Variants in AKAP13 observed in about 807,000 individuals in gnomAD.
AKAP13 encodes A-kinase anchor protein 13.
In AKAP13, 80 loss-of-function variants were observed where a neutral mutation model predicts 264.5. The ratio of observed to expected loss-of-function variants is 0.30; its 90% CI spans 0.25 to 0.36. The LOEUF (loss-of-function observed/expected upper bound fraction) is 0.36. Among genes scored for constraint, AKAP13 ranks in the 10% least tolerant of loss-of-function variants. The pLI is 1.00. For missense variants in AKAP13, 3,712 were observed against 3,435.2 expected (o/e 1.08, Z -2.01); for synonymous variants, 1,380 against 1,250.2 (o/e 1.10, Z -2.19).
At chr15:85,736,228 T>A in intron 33 of AKAP13, 94 bp downstream of exon 33, 1 of 1,100,078 alleles carries the variant, frequency 9.1e-7, no homozygotes. Context: ...TTCTTTTTGC[T>A]GTTACAAAGA....
At chr15:85,468,114 T>C (rs912068136) in intron 1 of AKAP13, among the ~76,000 whole-genome samples, 1 of 152,220 alleles carries the variant, frequency 6.6e-6, no homozygotes, top group African/African-American at 2.4e-5. Flanking sequence ...TGGAAAAGCA[T>C]TCTTATATTT....
At chr15:85,652,872 A>G (rs1003550496) in intron 10 of AKAP13, among the ~76,000 whole-genome samples, 4 of 152,038 alleles carry the variant, frequency 2.6e-5, no homozygotes, top group African/African-American at 9.7e-5. Context: ...TCTTGCAGGG[A>G]CACCATTTGT....
chr15:85,694,375 G>T (rs1327505740), intron 17 of AKAP13, among the ~76,000 whole-genome samples: 1 of 152,196 alleles, frequency 6.6e-6, no homozygotes, highest in Non-Finnish European at 1.5e-5. Context: ...GACCCACATG[G>T]TCTCTGTCAC....
chr15:85,731,105 A>C (rs917234874), intron 30 of AKAP13, among the ~76,000 whole-genome samples: 2 of 145,364 alleles, frequency 1.4e-5, no homozygotes, highest in Non-Finnish European at 3.0e-5. Context: ...CCTGGGTTCA[A>C]GTGATTCTCT....
intron 12 of AKAP13, 57 bp downstream of exon 12, chr15:85,658,647 A>T: frequency 6.8e-7 from 1 of 1,472,254 alleles, no homozygotes; most frequent in Non-Finnish European, 9.4e-7. Flanking sequence ...ATATACTAAC[A>T]AGCATCTCAT....
At chr15:85,567,522 G>T (rs1208454218) in intron 5 of AKAP13, among the ~76,000 whole-genome samples, 1 of 152,166 alleles carries the variant, frequency 6.6e-6, no homozygotes, top group East Asian at 1.9e-4. Context: ...TAATTATTAT[G>T]AAGAGAAAAG....
At chr15:85,483,828 A>C (rs544936335) in intron 1 of AKAP13, among the ~76,000 whole-genome samples, 10 of 152,282 alleles carry the variant, frequency 6.6e-5, no homozygotes, top group South Asian at 2.1e-4. Context: ...AACAAACAAA[A>C]AAATTATGAA....
chr15:85,529,609 C>A (rs935352297), intron 3 of AKAP13, among the ~76,000 whole-genome samples: 1 of 152,004 alleles, frequency 6.6e-6, no homozygotes, highest in Non-Finnish European at 1.5e-5. Flanking sequence ...GCTGATTTAC[C>A]CCCCAGGTGC....
At chr15:85,639,314 C>G in intron 8 of AKAP13, 60 bp from the exon 9 acceptor site, 2 of 1,211,200 alleles carry the variant, frequency 1.7e-6, no homozygotes, top group Non-Finnish European at 2.4e-6. Flanking sequence ...ATTTTGGCAC[C>G]TGTAAAATTA....
chr15:85,474,572 G>A (rs188172449), intron 1 of AKAP13, among the ~76,000 whole-genome samples: 73 of 152,270 alleles, frequency 4.8e-4, no homozygotes, highest in African/African-American at 1.8e-3. Flanking sequence ...TCATTGAAGC[G>A]ATTAACATTA....
intron 2 of AKAP13, among the ~76,000 whole-genome samples, chr15:85,486,238 C>G (rs2075539439): frequency 6.6e-6 from 1 of 151,860 alleles, no homozygotes; most frequent in Non-Finnish European, 1.5e-5. Context: ...TTGATGCTAT[C>G]CTTTCAAGCA....
chr15:85,737,009 C>T (rs912124493), intron 33 of AKAP13, among the ~76,000 whole-genome samples: 1 of 147,280 alleles, frequency 6.8e-6, no homozygotes, highest in Non-Finnish European at 1.5e-5. Context: ...ACCTCCATCT[C>T]CTGGATTCAA....
At chr15:85,706,537 A>G (rs921573082) in intron 17 of AKAP13, among the ~76,000 whole-genome samples, 4 of 152,214 alleles carry the variant, frequency 2.6e-5, no homozygotes, top group African/African-American at 9.6e-5. Flanking sequence ...ACATACATAC[A>G]TGCAGAGCCA....
intron 1 of AKAP13, among the ~76,000 whole-genome samples, chr15:85,412,280 C>T (rs1391469320): frequency 1.3e-5 from 2 of 152,188 alleles, no homozygotes; most frequent in African/African-American, 4.8e-5. Context: ...AGAATATTAA[C>T]AACTATCCCA....
chr15:85,484,250 T>C (rs1202115179), intron 1 of AKAP13, among the ~76,000 whole-genome samples: 2 of 151,978 alleles, frequency 1.3e-5, no homozygotes, highest in Non-Finnish European at 2.9e-5. Flanking sequence ...TGCTTGCTGT[T>C]TGAATCTGAT....
chr15:85,688,513 A>C (rs1258459289), intron 16 of AKAP13, among the ~76,000 whole-genome samples: 1 of 152,208 alleles, frequency 6.6e-6, no homozygotes, highest in African/African-American at 2.4e-5. Context: ...GATTATTTGA[A>C]AATGTCTGCT....
At chr15:85,566,657 C>G (rs1053281962) in intron 5 of AKAP13, among the ~76,000 whole-genome samples, 3 of 143,792 alleles carry the variant, frequency 2.1e-5, no homozygotes, top group African/African-American at 7.8e-5. Flanking sequence ...AATGGAGTCT[C>G]GCTCTGTTGC....
chr15:85,520,572 G>C (rs2076785366), intron 2 of AKAP13: 1 of 487,924 alleles, frequency 2.0e-6, no homozygotes, highest in Non-Finnish European at 4.1e-6. Context: ...CAAAGTCATA[G>C]ACAAAGTTAT....
rs1203377553 is a variant in AKAP13 at position 85,747,972 on chromosome 15, G to A, written c.*3295G>A. Reference sequence around the variant, plus strand: ...TGGCGTTGTTTCTTGATGTGGGAGGGGAGGTGTTAGTGCATGCAAGGGTTG... The same window carrying A: ...TGGCGTTGTTTCTTGATGTGGGAGGAGAGGTGTTAGTGCATGCAAGGGTTG... On this transcript the variant is annotated 3_prime_UTR_variant, in exon 37 of 37. Transcript: ENST00000394518. The A allele has an allele frequency of 6.6e-6, 1 of 152,630 alleles. No homozygotes were observed. The highest frequency in any genetic ancestry group is 1.5e-5 in the Non-Finnish European group (1 of 68,044). The allele number at this position is 152,630 out of a possible 1,614,324, so 9.5% of individuals were successfully genotyped here.
Sources: allele counts gnomAD v4.1 joint callset (sites outside exome capture counted in the v4.1 genomes callset), GRCh38; gene constraint gnomAD v4.1.1; transcripts MANE v1.5; gene names NCBI Gene and HGNC (gene_info 2026-07-23, HGNC 2026-07-21).